Variants in SYNE2 observed in about 807,000 individuals in gnomAD.
The protein encoded by SYNE2 is spectrin repeat containing nuclear envelope protein 2.
In SYNE2, 431 loss-of-function variants were observed where a neutral mutation model predicts 856.3. That is an observed-to-expected ratio of 0.50 (90% CI 0.47 to 0.55). SYNE2 has a LOEUF of 0.55. Among genes scored for constraint, SYNE2 ranks in the 20% least tolerant of loss-of-function variants. SYNE2 has a pLI of 0.00. For missense variants in SYNE2, 8,129 were observed against 8,023.2 expected (o/e 1.01, Z -0.50); for synonymous variants, 2,923 against 2,872.3 (o/e 1.02, Z -0.56).
intron 45 of SYNE2, among the ~76,000 whole-genome samples, chr14:64,039,855 AT>A (rs2097133736): frequency 6.6e-6 from 1 of 152,190 alleles, no homozygotes; most frequent in Non-Finnish European, 1.5e-5. Context: ...TCATTGATAG[AT>A]ACTCCAGAAT....
At chr14:63,781,513 C>T (rs1887309540) in intron 1 of SYNE2, among the ~76,000 whole-genome samples, 1 of 150,778 alleles carries the variant, frequency 6.6e-6, no homozygotes, top group South Asian at 2.1e-4. Context: ...GAGACGGAGT[C>T]TCGCTCTGTC....
At chr14:64,032,322 C>T (rs1224297776) in intron 45 of SYNE2, among the ~76,000 whole-genome samples, 1 of 152,086 alleles carries the variant, frequency 6.6e-6, no homozygotes, top group Non-Finnish European at 1.5e-5. Context: ...CATCTGTAAT[C>T]CTAGCACTTT....
intron 51 of SYNE2, among the ~76,000 whole-genome samples, chr14:64,070,228 G>T (rs1215518537): frequency 2.0e-5 from 3 of 152,184 alleles, no homozygotes; most frequent in African/African-American, 7.2e-5. Context: ...AGCATACAGG[G>T]ATTGGAAGTG....
At chr14:63,965,354 C>G (rs1269295655) in intron 10 of SYNE2, among the ~76,000 whole-genome samples, 1 of 152,106 alleles carries the variant, frequency 6.6e-6, no homozygotes, top group African/African-American at 2.4e-5. Context: ...CCCAGTTTTA[C>G]AGATGAAGAT....
chr14:63,820,276 C>G (rs1453976927), intron 1 of SYNE2, among the ~76,000 whole-genome samples: 1 of 152,104 alleles, frequency 6.6e-6, no homozygotes, highest in Admixed American at 6.6e-5. Flanking sequence ...CATATATGGT[C>G]TCTTGATTGT....
chr14:63,931,114 T>C (rs1390151608), intron 2 of SYNE2, among the ~76,000 whole-genome samples: 1 of 152,152 alleles, frequency 6.6e-6, no homozygotes, highest in Admixed American at 6.5e-5. Context: ...GGAGAATTGC[T>C]TAGCGTTAGG....
intron 1 of SYNE2, among the ~76,000 whole-genome samples, chr14:63,763,863 A>G (rs1334190158): frequency 6.6e-6 from 1 of 151,996 alleles, no homozygotes; most frequent in East Asian, 1.9e-4. Context: ...AGAGATGGGG[A>G]CTTGCCCTAT....
chr14:64,084,985 G>A (rs942840024), intron 57 of SYNE2: 2 of 702,368 alleles, frequency 2.8e-6, no homozygotes, highest in Admixed American at 4.0e-5. Flanking sequence ...GCTCCTCCAG[G>A]AGTCTGCCTC....
intron 8 of SYNE2, chr14:63,960,621 CAA>C: frequency 1.8e-6 from 1 of 543,904 alleles, no homozygotes; most frequent in Non-Finnish European, 3.3e-6. Context: ...TTTTTTTTTC[CAA>C]TAATCTTCAT....
chr14:64,165,341 T>G lies in SYNE2; in HGVS notation c.16536T>G (p.Leu5512=). ...TCCGGCTGGAATCTTTAAAAGGTCT[T>G]ATTATGCATGAAGAAGAGAATTTGG... is the stretch of plus-strand genomic sequence containing the variant. ...FGVRLESLKG[L]IMHEEENLDR... The change falls in exon 90 of 116, where the codon CTT becomes CTG. Residue 5512 remains leucine (L), a synonymous_variant. Transcript: ENST00000555002. The G allele has an allele frequency of 6.2e-7, 1 of 1,613,920 alleles. No individual in the cohort carries two copies. Among genetic ancestry groups the G allele is most frequent in the East Asian group, 2.2e-5 (1 of 44,862 alleles).
At chr14:64,146,437 G>A (rs769365574) in intron 84 of SYNE2, among the ~76,000 whole-genome samples, 83 of 152,160 alleles carry the variant, frequency 5.5e-4, no homozygotes, top group Non-Finnish European at 1.1e-3. Context: ...TACTTTCACC[G>A]TTACAGTATT....
At chr14:63,814,686 A>ATC (rs1346727818) in intron 1 of SYNE2, among the ~76,000 whole-genome samples, 1 of 130,526 alleles carries the variant, frequency 7.7e-6, no homozygotes, top group Non-Finnish European at 1.6e-5. Context: ...ATCCATATAT[A>ATC]TCCATATATA....
At chr14:63,812,394 T>C (rs1888647499) in intron 1 of SYNE2, among the ~76,000 whole-genome samples, 1 of 152,206 alleles carries the variant, frequency 6.6e-6, no homozygotes, top group African/African-American at 2.4e-5. Flanking sequence ...ACTGTTATTC[T>C]GTTCTTTTTC....
At chr14:64,033,662 G>C (rs551118397) in intron 45 of SYNE2, among the ~76,000 whole-genome samples, 3 of 152,048 alleles carry the variant, frequency 2.0e-5, no homozygotes, top group South Asian at 2.1e-4. Flanking sequence ...CTCAAGCCTG[G>C]GTGACAGAGC....
intron 33 of SYNE2, 142 bp from the exon 34 acceptor site, chr14:64,017,453 A>C (rs1208118915): frequency 5.9e-6 from 4 of 677,464 alleles, no homozygotes; most frequent in Non-Finnish European, 1.0e-5. Flanking sequence ...TGATATGTTA[A>C]AGCAAATTTT....
chr14:64,103,846 C>T lies in SYNE2; in HGVS notation c.12492+1804C>T, dbSNP rs1447132365. Among the ~76,000 whole-genome samples the T allele has an allele frequency of 2.0e-5, 3 of 152,290 alleles. No homozygotes were observed. In the East Asian group the frequency reaches 5.8e-4, roughly 29 times the overall value. On this transcript the variant is annotated intron_variant, in intron 64 of 115. Coordinates refer to ENST00000555002, the MANE Select transcript of SYNE2 (RefSeq NM_182914.3). ...TTCTCCATGCCTCTCTGTAGACTTC[C>T]TTCCCATCCACAAAGACCCATCTCA...
At chr14:63,782,239 C>T (rs1025555710) in intron 1 of SYNE2, among the ~76,000 whole-genome samples, 4 of 151,742 alleles carry the variant, frequency 2.6e-5, no homozygotes, top group East Asian at 1.9e-4. Flanking sequence ...TTTAGGAGGC[C>T]GAGGTGGGTG....
At chr14:64,189,981 T>TA (rs55638792) in intron 98 of SYNE2, 90 bp from the exon 99 acceptor site, 13 of 1,427,158 alleles carry the variant, frequency 9.1e-6, no homozygotes, top group African/African-American at 7.3e-5. Context: ...TTTTTTTTTT[T>TA]AATTTCAAGA....
At chr14:64,170,036 C>G (rs1364809542) in intron 93 of SYNE2, among the ~76,000 whole-genome samples, 192 bp from the exon 94 acceptor site, 1 of 152,188 alleles carries the variant, frequency 6.6e-6, no homozygotes, top group Non-Finnish European at 1.5e-5. Context: ...TTCTGCTAAA[C>G]TCAGTCTGCA....
Sources: allele counts gnomAD v4.1 joint callset (sites outside exome capture counted in the v4.1 genomes callset), GRCh38; gene constraint gnomAD v4.1.1; transcripts MANE v1.5; gene names NCBI Gene and HGNC (gene_info 2026-07-23, HGNC 2026-07-21).